Variants in ARPC4 observed in about 807,000 individuals in gnomAD.
The protein encoded by ARPC4 is actin related protein 2/3 complex subunit 4.
Under a neutral mutation model 22.8 loss-of-function variants are expected in ARPC4, and 3 were observed. That is an observed-to-expected ratio of 0.13 (90% CI 0.06 to 0.34). ARPC4 has a LOEUF of 0.34. Ranked by LOEUF, ARPC4 falls within the 10% of genes least tolerant of loss-of-function variation. The pLI, the probability that ARPC4 is intolerant of heterozygous loss-of-function variation, is 1.00. For missense variants in ARPC4, 98 were observed against 211.0 expected, an observed-to-expected ratio of 0.46 and a Z score of 3.32; for synonymous variants, 80 against 72.5, an observed-to-expected ratio of 1.10 and a Z score of -0.52.
chr3:9,801,620 G>T (rs370449984), intron 3 of ARPC4, 41 bp from the exon 4 acceptor site: 1 of 1,555,884 alleles, frequency 6.4e-7, no homozygotes, highest in Admixed American at 1.9e-5. Context: ...TTGGCCTTGG[G>T]TGTCAGCTTT....
rs1017538211 is a variant in ARPC4, at chr3:9,798,004, T to A, written c.122+227T>A. 9.5e-6 allele frequency: 5 copies of A among 528,568 alleles called. No homozygotes were observed. In the South Asian group the frequency reaches 1.1e-4, roughly 12 times the overall value. 32.7% of individuals were successfully genotyped at this position (528,568 alleles called of 1,614,324 possible). A position where few individuals can be genotyped will look rare whatever the true frequency, so the allele number is the denominator to read the frequency against. On this transcript the variant is annotated intron_variant, in intron 2 of 5. Transcript: ENST00000397261. Reference sequence around the variant, plus strand: ...AAAGACAAGATTGGTTAACACAAGGTATGACTTCTCAGAGCAGGGCTGTTG... The same window carrying A: ...AAAGACAAGATTGGTTAACACAAGGAATGACTTCTCAGAGCAGGGCTGTTG...
chr3:9,798,960 T>C lies in ARPC4; in HGVS notation c.122+1183T>C, dbSNP rs191520034. On this transcript the variant is annotated intron_variant, in intron 2 of 5. Transcript: ENST00000397261. ...TAATCTGGGTTACAACATTAAATGA[T>C]ACGATTTAATTTTTAATTTTAAAAA... Among the ~76,000 whole-genome samples, 601 of 152,366 alleles carry C rather than the reference T, an allele frequency of 3.9e-3. 3 individuals carry two copies. Among genetic ancestry groups the C allele is most frequent in the African/African-American group, 0.013 (561 of 41,586 alleles).
intron 1 of ARPC4, 144 bp from the exon 2 acceptor site, chr3:9,797,515 G>A: frequency 1.2e-6 from 1 of 826,866 alleles, no homozygotes; most frequent in Non-Finnish European, 1.9e-6. Flanking sequence ...GCGTCTCGAA[G>A]GCCTAGTCTG....
At chr3:9,803,178 C>G (rs1253306512) in intron 4 of ARPC4, among the ~76,000 whole-genome samples, 1 of 152,118 alleles carries the variant, frequency 6.6e-6, no homozygotes, top group Non-Finnish European at 1.5e-5. Context: ...CCACCGCGCC[C>G]GGCCCACTGA....
At chr3:9,801,284 G>A (rs1457420228) in intron 3 of ARPC4, among the ~76,000 whole-genome samples, 1 of 148,398 alleles carries the variant, frequency 6.7e-6, no homozygotes, top group Non-Finnish European at 1.5e-5. Context: ...ATTGTTGGAT[G>A]TTCAGTGTTA....
intron 3 of ARPC4, 72 bp downstream of exon 3, chr3:9,800,368 C>T: frequency 1.4e-6 from 2 of 1,456,596 alleles, no homozygotes; most frequent in African/African-American, 1.4e-5. Context: ...GTCCGGGGTC[C>T]CCATCTGAGA....
chr3:9,792,730 G>C (rs892583396), upstream of ARPC4: 43 of 1,236,978 alleles, frequency 3.5e-5, no homozygotes, highest in Admixed American at 4.2e-5. Context: ...AGAAAGGATG[G>C]GGGTACAGAA....
intron 1 of ARPC4, among the ~76,000 whole-genome samples, chr3:9,796,737 T>G (rs138819784): frequency 2.6e-4 from 40 of 152,006 alleles, no homozygotes; most frequent in East Asian, 7.8e-4. Flanking sequence ...GTCAGGAGAT[T>G]GAGACCATCC....
In ARPC4 at chr3:9,803,905, G is replaced by C; in HGVS notation, c.393G>C (p.Leu131Phe). The C allele has an allele frequency of 6.2e-7, 1 of 1,614,220 alleles. No individual in the cohort carries two copies. The highest frequency in any genetic ancestry group is 8.5e-7 in the Non-Finnish European group (1 of 1,180,044). ...CAGAGCAGATGTACAAACACAAGTTGGTGGACTTTGTGATCCACTTCATGG... is the reference window on the plus strand; with the variant it reads ...CAGAGCAGATGTACAAACACAAGTTCGTGGACTTTGTGATCCACTTCATGG... ...FHTEQMYKHK[L>F]VDFVIHFMEE... The change falls in exon 5 of 6, where the codon TTG becomes TTC. Residue 131 changes from leucine to phenylalanine, a missense_variant. By Grantham distance (22) the Leu-to-Phe change is conservative. Coordinates refer to ENST00000397261, the MANE Select transcript of ARPC4 (RefSeq NM_005718.5).
intron 2 of ARPC4, among the ~76,000 whole-genome samples, chr3:9,799,106 A>G (rs899976417): frequency 1.2e-4 from 19 of 152,174 alleles, no homozygotes; most frequent in African/African-American, 4.3e-4. Context: ...ACTATTAGAG[A>G]TCTCTAGGTA....
At chr3:9,800,428 C>T (rs567566061) in intron 3 of ARPC4, 132 bp downstream of exon 3, 3 of 819,334 alleles carry the variant, frequency 3.7e-6, no homozygotes, top group East Asian at 2.7e-5. Context: ...CTAGCCTCTG[C>T]TTCCTTTTTT....
upstream of ARPC4, chr3:9,792,806 C>G: frequency 7.5e-7 from 1 of 1,333,850 alleles, no homozygotes; most frequent in Non-Finnish European, 9.6e-7. Context: ...TGAAGCTGGG[C>G]TGTACCATTG....
At chr3:9,801,184 C>G (rs2079000253) in intron 3 of ARPC4, among the ~76,000 whole-genome samples, 1 of 118,516 alleles carries the variant, frequency 8.4e-6, no homozygotes, top group South Asian at 2.9e-4. Context: ...GCACTCCAGC[C>G]TGGGTGACAG....
chr3:9,806,440 C>A lies in ARPC4; in HGVS notation c.*225C>A. ...TCAGGCTGGCTTCTGATGTTCAGTC[C>A]CCTGGGCCGGGACAGATTTTTTTTA... On this transcript the variant is annotated 3_prime_UTR_variant, in exon 6 of 6. Transcript: ENST00000397261. 1 of 606,636 alleles carries A rather than the reference C, an allele frequency of 1.6e-6. No individual in the cohort carries two copies. The highest frequency in any genetic ancestry group is 3.0e-6 in the Non-Finnish European group (1 of 338,242). The allele number at this position is 606,636 out of a possible 1,614,324, so 37.6% of individuals were successfully genotyped here.
At chr3:9,801,622 G>A in intron 3 of ARPC4, 39 bp from the exon 4 acceptor site, 1 of 1,560,038 alleles carries the variant, frequency 6.4e-7, no homozygotes, top group Non-Finnish European at 8.7e-7. Context: ...GGCCTTGGGT[G>A]TCAGCTTTAG....
intron 1 of ARPC4, among the ~76,000 whole-genome samples, chr3:9,797,048 A>G (rs1357924648): frequency 6.6e-6 from 1 of 150,996 alleles, no homozygotes; most frequent in East Asian, 1.9e-4. Context: ...TTGTAAATCT[A>G]AATATTTCAC....
Position 9,801,645 on chromosome 3 carries a change from C to G in ARPC4, c.235-16C>G. The G allele has an allele frequency of 3.1e-6, 5 of 1,594,220 alleles. No individual in the cohort carries two copies. Among genetic ancestry groups the G allele is most frequent in the Non-Finnish European group, 3.4e-6 (4 of 1,167,506 alleles). On this transcript the variant is annotated splice_polypyrimidine_tract_variant and intron_variant, in intron 3 of 5. Transcript: ENST00000397261. ...GTGTCAGCTTTAGAGAAACATTTCT[C>G]TCTTGCACTCCCCAGGCTGATGAGA...
intron 5 of ARPC4, 96 bp from the exon 6 acceptor site, chr3:9,806,114 C>A: frequency 1.4e-6 from 2 of 1,391,220 alleles, no homozygotes; most frequent in Non-Finnish European, 2.0e-6. Flanking sequence ...CAGATATGAG[C>A]ACAGTGGCAG....
intron 5 of ARPC4, among the ~76,000 whole-genome samples, chr3:9,804,995 T>G (rs1039187585): frequency 6.6e-6 from 1 of 152,234 alleles, no homozygotes; most frequent in African/African-American, 2.4e-5. Context: ...TTAATACTTA[T>G]CTTTCAGTGG....
Sources: allele counts gnomAD v4.1 joint callset (sites outside exome capture counted in the v4.1 genomes callset), GRCh38; gene constraint gnomAD v4.1.1; transcripts MANE v1.5; gene names NCBI Gene and HGNC (gene_info 2026-07-23, HGNC 2026-07-21).